Variants in GDF11 observed in about 807,000 individuals in gnomAD.
GDF11 encodes the protein growth/differentiation factor 11.
GDF11 carries 12 observed loss-of-function variants against 34.4 expected under a neutral mutation model. That is an observed-to-expected ratio of 0.35 (90% confidence interval 0.22 to 0.57). The LOEUF (loss-of-function observed/expected upper bound fraction) is 0.57, where lower values mean the gene tolerates loss of function less well. Ranked by LOEUF, GDF11 falls within the 20% of genes least tolerant of loss-of-function variation. GDF11 has a pLI of 0.86. For synonymous variants in GDF11, 212 were observed against 231.1 expected (o/e 0.92, Z 0.75); for missense variants, 346 against 548.2 (o/e 0.63, Z 3.68).
rs764111001 is a variant in GDF11, at chr12:55,749,981, C to A, written c.*99C>A. 68 of 1,022,906 alleles carry A rather than the reference C, an allele frequency of 6.6e-5. No individual in the cohort carries two copies. Among genetic ancestry groups the A allele is most frequent in the Admixed American group, 1.1e-4 (5 of 45,338 alleles). 63.4% of individuals were successfully genotyped at this position (1,022,906 alleles called of 1,614,324 possible). On this transcript the variant is annotated 3_prime_UTR_variant, in exon 3 of 3. Transcript: ENST00000257868. This position sits in a 1 kb window ranked among gnomAD's most constrained non-coding sequence, Gnocchi z 5.6. ...CCTAGAGCTCCCTCCACTCTTCCCG[C>A]GAACATCACACCGTTCCCCGACCAA...
intron 1 of GDF11, among the ~76,000 whole-genome samples, chr12:55,744,030 A>T (rs1000664279): frequency 3.3e-5 from 5 of 152,154 alleles, no homozygotes; most frequent in African/African-American, 1.2e-4. Flanking sequence ...CAGTATGCTA[A>T]AAAGATCCTT....
At chr12:55,743,884 C>A in intron 1 of GDF11, 123 bp downstream of exon 1, 2 of 750,608 alleles carry the variant, frequency 2.7e-6, no homozygotes, top group Non-Finnish European at 4.1e-6. Context: ...GAAAACTTGA[C>A]GAATTAGGGA....
chr12:55,750,875 G>C lies in GDF11; in HGVS notation c.*993G>C, dbSNP rs181302336. On this transcript the variant is annotated 3_prime_UTR_variant, in exon 3 of 3. Coordinates refer to ENST00000257868, the MANE Select transcript of GDF11 (RefSeq NM_005811.5). ...GTTATTTAGCCAGAGGGTGCAGCCTGCTTATGCCCAAATTCCCTCAGCCAA... is the reference window on the plus strand; with the variant it reads ...GTTATTTAGCCAGAGGGTGCAGCCTCCTTATGCCCAAATTCCCTCAGCCAA... 1.6e-4 allele frequency: 24 copies of C among 152,294 alleles called. No individual in the cohort carries two copies. The highest frequency in any genetic ancestry group is 5.1e-4 in the African/African-American group (21 of 41,562). The allele number at this position is 152,294 out of a possible 1,614,324, so 9.4% of individuals were successfully genotyped here.
rs997489388 is a variant in GDF11, at chr12:55,755,024, T to C, written c.*5142T>C. ...ATCTGGAAAGATGTGAAACCTGTAA[T>C]TTTAAATCCCTTTGGAAGGGAAAAA... On this transcript the variant is annotated 3_prime_UTR_variant, in exon 3 of 3. Coordinates refer to ENST00000257868, the MANE Select transcript of GDF11 (RefSeq NM_005811.5). 2.6e-5 allele frequency: 4 copies of C among 152,200 alleles called. No homozygotes were observed. 9.4% of individuals were successfully genotyped at this position (152,200 alleles called of 1,614,324 possible).
At chr12:55,744,943 A>G (rs2136165390) in intron 1 of GDF11, among the ~76,000 whole-genome samples, 1 of 152,308 alleles carries the variant, frequency 6.6e-6, no homozygotes, top group African/African-American at 2.4e-5. Context: ...TGGGAGGCTG[A>G]GTGCCTCACA....
chr12:55,749,601 C>T lies in GDF11; in HGVS notation c.943C>T (p.Arg315Ter). Residue 315 changes from arginine (R) to a stop codon, truncating the protein, a stop_gained, in exon 3 of 3, where the codon CGA becomes TGA. Transcript: ENST00000257868. LOFTEE classifies it high-confidence loss of function. The surrounding 1 kb of genome is among the most constrained non-coding windows in gnomAD (Gnocchi z 5.6). Reference sequence around the variant, plus strand: ...GCACTCAAGCGAGTCCCGCTGCTGCCGATATCCCCTCACAGTGGACTTTGA... The same window carrying T: ...GCACTCAAGCGAGTCCCGCTGCTGCTGATATCCCCTCACAGTGGACTTTGA... Reference protein sequence around the residue: ...DEHSSESRCCRYPLTVDFEAF... With the variant: ...DEHSSESRCC 6.2e-7 allele frequency: 1 copy of T among 1,614,124 alleles called. No individual in the cohort carries two copies. Among genetic ancestry groups the T allele is most frequent in the Non-Finnish European group, 8.5e-7 (1 of 1,180,014 alleles).
In GDF11 at chr12:55,753,332, T is replaced by C. The variant is rs2136170529; in HGVS notation, c.*3450T>C. The C allele has an allele frequency of 6.6e-6, 1 of 152,350 alleles. No homozygotes were observed. The highest frequency in any genetic ancestry group is 2.4e-5 in the African/African-American group (1 of 41,594). 9.4% of individuals were successfully genotyped at this position (152,350 alleles called of 1,614,324 possible). ...ACCAACATAGCCAACGAACTTGCCT[T>C]GTTACACAAGAGTGGCTAAAATAGC... On this transcript the variant is annotated 3_prime_UTR_variant, in exon 3 of 3. Coordinates refer to ENST00000257868, the MANE Select transcript of GDF11 (RefSeq NM_005811.5).
In GDF11 at chr12:55,749,048, GA is replaced by G. The variant is rs1409000694; in HGVS notation, c.843+69del. 2.0e-5 allele frequency: 29 copies of G among 1,442,160 alleles called. No individual in the cohort carries two copies. Among genetic ancestry groups the G allele is most frequent in the Non-Finnish European group, 2.6e-5 (28 of 1,082,620 alleles). The allele number at this position is 1,442,160 out of a possible 1,614,324, so 89.3% of individuals were successfully genotyped here. On this transcript the variant is annotated intron_variant, in intron 2 of 2. Coordinates refer to ENST00000257868, the MANE Select transcript of GDF11 (RefSeq NM_005811.5). The surrounding 1 kb of genome is among the most constrained non-coding windows in gnomAD (Gnocchi z 5.6). ...GCCCTGAGGAGATAGGGTTACATTG[GA>G]AAAGGTAGACAAGGAATGTGAAGGA...
Position 55,756,221 on chromosome 12 carries a change from G to C in GDF11, c.*6339G>C, listed in dbSNP as rs1878501643. 1 of 152,204 alleles carries C rather than the reference G, an allele frequency of 6.6e-6. No homozygotes were observed. Among genetic ancestry groups the C allele is most frequent in the Non-Finnish European group, 1.5e-5 (1 of 68,040 alleles). 9.4% of individuals were successfully genotyped at this position (152,204 alleles called of 1,614,324 possible). A position where few individuals can be genotyped will look rare whatever the true frequency, so the allele number is the denominator to read the frequency against. On this transcript the variant is annotated 3_prime_UTR_variant, in exon 3 of 3. Transcript: ENST00000257868. ...CAATTTTAAGGTTTATTTGGTTGAA[G>C]AGGTGTCAAAAATTTAACCAGCATT... is the stretch of plus-strand genomic sequence containing the variant.
chr12:55,746,066 T>C (rs952710093), intron 1 of GDF11, among the ~76,000 whole-genome samples: 2 of 152,066 alleles, frequency 1.3e-5, no homozygotes. Flanking sequence ...GACCTCTCTC[T>C]CCCACCAGCG....
In GDF11 at chr12:55,753,047, G is replaced by A. The variant is rs1017498932; in HGVS notation, c.*3165G>A. The A allele has an allele frequency of 5.3e-5, 8 of 152,188 alleles. No individual in the cohort carries two copies. The highest frequency in any genetic ancestry group is 1.9e-4 in the African/African-American group (8 of 41,446). 9.4% of individuals were successfully genotyped at this position (152,188 alleles called of 1,614,324 possible). ...GGTGGTATAAGGTTTGGGACATGCA[G>A]GCCAAGGAAGGATGGAAAGAGGACA... On this transcript the variant is annotated 3_prime_UTR_variant, in exon 3 of 3. Coordinates refer to ENST00000257868, the MANE Select transcript of GDF11 (RefSeq NM_005811.5).
chr12:55,749,908 C>A lies in GDF11; in HGVS notation c.*26C>A, dbSNP rs200099771. The A allele has an allele frequency of 1.7e-4, 269 of 1,582,692 alleles. No individual in the cohort carries two copies. Among genetic ancestry groups the A allele is most frequent in the Non-Finnish European group, 2.2e-4 (251 of 1,160,876 alleles). ...GGTGGGGGATAGAGGATGCCTCCCC[C>A]ACAGACCCTACCCCAAGACCCCTAG... On this transcript the variant is annotated 3_prime_UTR_variant, in exon 3 of 3. Coordinates refer to ENST00000257868, the MANE Select transcript of GDF11 (RefSeq NM_005811.5). This position sits in a 1 kb window ranked among gnomAD's most constrained non-coding sequence, Gnocchi z 5.6.
rs777690238 is a variant in GDF11, at chr12:55,743,474, C to T, written c.158C>T (p.Pro53Leu). ...VGGERSSRPA[P>L]SVAPEPDGCP... ...GGGGAGCGCTCCAGCCGGCCAGCCC[C>T]GTCCGTGGCGCCCGAGCCGGACGGC... is the stretch of plus-strand genomic sequence containing the variant. Residue 53 changes from proline (P) to leucine (L), a missense_variant, in exon 1 of 3, where the codon CCG becomes CTG. Physicochemically the swap from Pro to Leu is moderately conservative, Grantham distance 98. Transcript: ENST00000257868. The T allele has an allele frequency of 7.4e-6, 11 of 1,490,458 alleles. No homozygotes were observed. Among genetic ancestry groups the T allele is most frequent in the African/African-American group, 1.4e-5 (1 of 70,728 alleles). 92.3% of individuals were successfully genotyped at this position (1,490,458 alleles called of 1,614,324 possible).
chr12:55,751,485 T>A lies in GDF11; in HGVS notation c.*1603T>A, dbSNP rs1878320391. 6.6e-6 allele frequency: 1 copy of A among 152,336 alleles called. No homozygotes were observed. The allele number at this position is 152,336 out of a possible 1,614,324, so 9.4% of individuals were successfully genotyped here. A position where few individuals can be genotyped will look rare whatever the true frequency, so the allele number is the denominator to read the frequency against. On this transcript the variant is annotated 3_prime_UTR_variant, in exon 3 of 3. Transcript: ENST00000257868. ...GACAGCACCCGCCACAGCCAAGAGA[T>A]GAATTCTGAGCACTTACCACGGGCA... is the stretch of plus-strand genomic sequence containing the variant.
Position 55,749,058 on chromosome 12 carries a change from A to G in GDF11, c.843+75A>G. The G allele has an allele frequency of 7.1e-7, 1 of 1,407,212 alleles. No homozygotes were observed. The highest frequency in any genetic ancestry group is 9.5e-7 in the Non-Finnish European group (1 of 1,057,108). 87.2% of individuals were successfully genotyped at this position (1,407,212 alleles called of 1,614,324 possible). A position where few individuals can be genotyped will look rare whatever the true frequency, so the allele number is the denominator to read the frequency against. On this transcript the variant is annotated intron_variant, in intron 2 of 2. Coordinates refer to ENST00000257868, the MANE Select transcript of GDF11 (RefSeq NM_005811.5). This position sits in a 1 kb window ranked among gnomAD's most constrained non-coding sequence, Gnocchi z 5.6. Reference sequence around the variant, plus strand: ...GATAGGGTTACATTGGAAAAGGTAGACAAGGAATGTGAAGGAGGTTGGGGA... The same window carrying G: ...GATAGGGTTACATTGGAAAAGGTAGGCAAGGAATGTGAAGGAGGTTGGGGA...
Position 55,750,635 on chromosome 12 carries a change from G to A in GDF11, c.*753G>A, listed in dbSNP as rs926235331. The A allele has an allele frequency of 6.6e-6, 1 of 152,164 alleles. No individual in the cohort carries two copies. The highest frequency in any genetic ancestry group is 1.5e-5 in the Non-Finnish European group (1 of 68,050). 9.4% of individuals were successfully genotyped at this position (152,164 alleles called of 1,614,324 possible). A position where few individuals can be genotyped will look rare whatever the true frequency, so the allele number is the denominator to read the frequency against. On this transcript the variant is annotated 3_prime_UTR_variant, in exon 3 of 3. Coordinates refer to ENST00000257868, the MANE Select transcript of GDF11 (RefSeq NM_005811.5). ...TTGGGAATGGGAGTAAAGGGCAAGA[G>A]GGCGGACACATGAAGTTTAGTTTCT...
rs1448513010 is a variant in GDF11 at position 55,748,258 on chromosome 12, T to C, written c.446-328T>C. On this transcript the variant is annotated intron_variant, in intron 1 of 2. Coordinates refer to ENST00000257868, the MANE Select transcript of GDF11 (RefSeq NM_005811.5). The surrounding 1 kb of genome is among the most constrained non-coding windows in gnomAD (Gnocchi z 5.6). ...TAAAGAGCTTCAAAGATTCAGAAAATGTTGGAGCCTTATATGCTGGGAAAA... is the reference window on the plus strand; with the variant it reads ...TAAAGAGCTTCAAAGATTCAGAAAACGTTGGAGCCTTATATGCTGGGAAAA... Among the ~76,000 whole-genome samples, 1 of 152,016 alleles carries C rather than the reference T, an allele frequency of 6.6e-6. No individual in the cohort carries two copies. Among genetic ancestry groups the C allele is most frequent in the Non-Finnish European group, 1.5e-5 (1 of 68,004 alleles).
Position 55,749,051 on chromosome 12 carries a change from A to T in GDF11, c.843+68A>T. The T allele has an allele frequency of 7.0e-7, 1 of 1,424,000 alleles. No individual in the cohort carries two copies. The highest frequency in any genetic ancestry group is 1.4e-5 in the South Asian group (1 of 71,740). The allele number at this position is 1,424,000 out of a possible 1,614,324, so 88.2% of individuals were successfully genotyped here. A position where few individuals can be genotyped will look rare whatever the true frequency, so the allele number is the denominator to read the frequency against. On this transcript the variant is annotated intron_variant, in intron 2 of 2. Transcript: ENST00000257868. The surrounding 1 kb of genome is among the most constrained non-coding windows in gnomAD (Gnocchi z 5.6). ...CTGAGGAGATAGGGTTACATTGGAA[A>T]AGGTAGACAAGGAATGTGAAGGAGG...
rs2136167029 is a variant in GDF11 at position 55,748,217 on chromosome 12, AG to A, written c.446-368del. 6.6e-6 allele frequency among the ~76,000 whole-genome samples: 1 copy of A among 152,378 alleles called. No individual in the cohort carries two copies. The highest frequency in any genetic ancestry group is 2.4e-5 in the African/African-American group (1 of 41,592). ...TGATGGAAGGGCAGCAGGTGTGATA[AG>A]AGGTATGGCTTCTATAAAGAGCTTC... On this transcript the variant is annotated intron_variant, in intron 1 of 2. Transcript: ENST00000257868. The surrounding 1 kb of genome is among the most constrained non-coding windows in gnomAD (Gnocchi z 5.6).
Sources: allele counts gnomAD v4.1 joint callset (sites outside exome capture counted in the v4.1 genomes callset), GRCh38; gene constraint gnomAD v4.1.1; non-coding constraint Gnocchi (gnomAD v3.1); transcripts MANE v1.5; gene names NCBI Gene and HGNC (gene_info 2026-07-23, HGNC 2026-07-21).